Variants in CPNE5 observed in about 807,000 individuals in gnomAD.
CPNE5 encodes copine 5, also known as copine-5.
A neutral mutation model predicts 81.1 loss-of-function variants in CPNE5; 42 were observed. The ratio of observed to expected loss-of-function variants is 0.52; its 90% CI spans 0.40 to 0.67. The LOEUF (loss-of-function observed/expected upper bound fraction) is 0.67, where lower values mean the gene tolerates loss of function less well. CPNE5 is among the 30% of genes least tolerant of loss of function. The probability of loss-of-function intolerance (pLI) is 0.00; values close to 1 mark genes in which losing one functional copy is unlikely to be tolerated. For missense variants in CPNE5, 612 were observed against 815.5 expected, an observed-to-expected ratio of 0.75 and a Z score of 3.04; for synonymous variants, 313 against 321.5, an observed-to-expected ratio of 0.97 and a Z score of 0.28.
intron 11 of CPNE5, 95 bp downstream of exon 11, chr6:36,765,240 G>GTGA: frequency 2.9e-6 from 4 of 1,393,530 alleles, no homozygotes; most frequent in Non-Finnish European, 4.0e-6. Context: ...CCACTGCGGG[G>GTGA]GGGAGCCTGG....
chr6:36,788,221 A>T lies in CPNE5; in HGVS notation c.528+3812T>A, dbSNP rs554045077. Among the ~76,000 whole-genome samples the T allele has an allele frequency of 8.2e-5, 12 of 146,690 alleles. No homozygotes were observed. The South Asian group carries it at 2.3e-3, about 29-fold the overall frequency. The stretch of plus-strand genomic sequence containing the variant: ...AATTTAAAAAAATTTTTTTGTAGAG[A>T]TGGTCGGGGGGGGGTCTCACTATGA... On this transcript the variant is annotated intron_variant, in intron 8 of 20. Transcript: ENST00000244751.
At position 36,791,978 on chromosome 6, in the gene CPNE5, C is replaced by G. The variant is rs77163389; in HGVS notation, c.528+55G>C. On this transcript the variant is annotated intron_variant, in intron 8 of 20. Transcript: ENST00000244751. ...CCAGGGGCTCAGGGAGGCCAGCCTG[C>G]ACTCCATCACCCCCACCCCAACCAC... 4.5e-3 allele frequency: 6,742 copies of G among 1,483,688 alleles called. 281 individuals are homozygous for G. The East Asian group carries it at 0.11, about 24-fold the overall frequency. 91.9% of individuals were successfully genotyped at this position (1,483,688 alleles called of 1,614,324 possible).
intron 7 of CPNE5, among the ~76,000 whole-genome samples, chr6:36,793,901 C>G (rs937026300): frequency 1.3e-5 from 2 of 152,244 alleles, no homozygotes. Flanking sequence ...TGCACACCCC[C>G]ACCTCCAGCC....
intron 8 of CPNE5, among the ~76,000 whole-genome samples, chr6:36,781,377 C>T (rs1408597616): frequency 1.3e-5 from 2 of 149,242 alleles, no homozygotes; most frequent in Non-Finnish European, 3.0e-5. Flanking sequence ...AGCCTTCATA[C>T]TTTATACAAC....
intron 10 of CPNE5, among the ~76,000 whole-genome samples, chr6:36,772,982 G>T (rs1767168900): frequency 6.6e-6 from 1 of 152,118 alleles, no homozygotes; most frequent in African/African-American, 2.4e-5. Context: ...TGGGTCCACA[G>T]ATGTGCGCCA....
Position 36,834,098 on chromosome 6 carries a change from T to A in CPNE5, c.95+5185A>T, listed in dbSNP as rs948175717. 1.3e-4 allele frequency among the ~76,000 whole-genome samples: 19 copies of A among 149,726 alleles called. 1 individual carries two copies. In the South Asian group the frequency reaches 1.5e-3, roughly 12 times the overall value. ...ACGAACAAAAAAAAATCAAAAAAAA[T>A]TTAAAAATTAGCTAGATGTGGTGGT... is the stretch of plus-strand genomic sequence containing the variant. On this transcript the variant is annotated intron_variant, in intron 1 of 20. Transcript: ENST00000244751.
intron 1 of CPNE5, among the ~76,000 whole-genome samples, chr6:36,829,850 C>G (rs981732334): frequency 4.2e-5 from 2 of 47,360 alleles, no homozygotes; most frequent in Non-Finnish European, 8.3e-5. Flanking sequence ...GTAGGAATTG[C>G]AAAAAAAAAA....
chr6:36,753,621 G>A (rs185925209), intron 13 of CPNE5, among the ~76,000 whole-genome samples: 131 of 152,244 alleles, frequency 8.6e-4, no homozygotes, highest in Non-Finnish European at 1.4e-3. Flanking sequence ...AATCTTACTG[G>A]TCCCATCTCA....
At chr6:36,792,784 C>T (rs2150509265) in intron 7 of CPNE5, among the ~76,000 whole-genome samples, 1 of 152,300 alleles carries the variant, frequency 6.6e-6, no homozygotes, top group East Asian at 1.9e-4. Context: ...CTCAGGGGAA[C>T]TGAACCACCT....
intron 10 of CPNE5, among the ~76,000 whole-genome samples, chr6:36,771,063 C>T (rs1481282039): frequency 6.6e-6 from 1 of 152,066 alleles, no homozygotes; most frequent in Non-Finnish European, 1.5e-5. Flanking sequence ...CTTCCTCTTC[C>T]TTCTTGCTGT....
intron 14 of CPNE5, among the ~76,000 whole-genome samples, chr6:36,749,636 G>A (rs79835903): frequency 0.011 from 1,573 of 148,836 alleles, 19 homozygotes; most frequent in African/African-American, 0.035. Flanking sequence ...AGGCCAGCCT[G>A]AGCAACATAG....
chr6:36,762,616 C>A (rs375852817), intron 12 of CPNE5, among the ~76,000 whole-genome samples: 1 of 152,156 alleles, frequency 6.6e-6, no homozygotes, highest in Non-Finnish European at 1.5e-5. Context: ...TGGCTCCCAT[C>A]GTGCTCCTAT....
chr6:36,748,379 G>A, intron 14 of CPNE5, 112 bp from the exon 15 acceptor site: 1 of 914,790 alleles, frequency 1.1e-6, no homozygotes, highest in Admixed American at 1.8e-5. Flanking sequence ...CCAGGTGTGT[G>A]GCCTTGGTGA....
chr6:36,826,326 C>T (rs972064686), intron 1 of CPNE5, among the ~76,000 whole-genome samples: 5 of 152,164 alleles, frequency 3.3e-5, no homozygotes, highest in Non-Finnish European at 7.3e-5. Flanking sequence ...AAGACCCTCA[C>T]CGAATCCTGG....
At chr6:36,785,655 G>A (rs1164964169) in intron 8 of CPNE5, among the ~76,000 whole-genome samples, 1 of 152,114 alleles carries the variant, frequency 6.6e-6, no homozygotes, top group East Asian at 1.9e-4. Context: ...TATGGTTTGA[G>A]GCCAGGAGTT....
chr6:36,764,064 G>A (rs548585585), intron 11 of CPNE5, among the ~76,000 whole-genome samples: 9 of 152,004 alleles, frequency 5.9e-5, no homozygotes, highest in Non-Finnish European at 7.4e-5. Context: ...TGCCCAAGAG[G>A]TGTCCCTGGG....
chr6:36,797,805 C>T (rs190031047), intron 6 of CPNE5, among the ~76,000 whole-genome samples: 30 of 152,334 alleles, frequency 2.0e-4, no homozygotes, highest in African/African-American at 6.7e-4. Context: ...CAAATCCCAG[C>T]TCCCAGCTCT....
At chr6:36,742,717 C>T in intron 20 of CPNE5, 1 of 985,278 alleles carries the variant, frequency 1.0e-6, no homozygotes, top group South Asian at 4.7e-5. Context: ...AAAAACTGAG[C>T]CCTATTCCAC....
rs34423091 is a variant in CPNE5, at chr6:36,777,766, C to CCACACACA, written c.632+1080_632+1087dup. ...GCTCCCCTGCCTACCCCCCCCCCCA[C>CCACACACA]CACACACACACACACACACACACAC... On this transcript the variant is annotated intron_variant, in intron 9 of 20. Coordinates refer to ENST00000244751, the MANE Select transcript of CPNE5 (RefSeq NM_020939.2). Among the ~76,000 whole-genome samples, 253 of 109,458 alleles carry CCACACACA rather than the reference C, an allele frequency of 2.3e-3. 1 individual carries two copies. Among genetic ancestry groups the CCACACACA allele is most frequent in the African/African-American group, 9.2e-3 (231 of 25,184 alleles). 71.8% of individuals were successfully genotyped at this position (109,458 alleles called of 152,430 possible).
Sources: gnomAD v4.1 joint callset for allele counts (sites outside exome capture counted in the v4.1 genomes callset) on GRCh38, gnomAD v4.1.1 for gene constraint, MANE v1.5 for transcripts, NCBI Gene and HGNC (gene_info 2026-07-23, HGNC 2026-07-21) for gene names.